The following TUBGCP2 variants were observed in gnomAD, a reference collection of about 807,000 sequenced individuals.
TUBGCP2 encodes gamma-tubulin complex component 2.
A neutral mutation model predicts 92.2 loss-of-function variants in TUBGCP2; 55 were observed. The ratio of observed to expected loss-of-function variants is 0.60; its 90% CI spans 0.48 to 0.75. TUBGCP2 has a LOEUF of 0.75. TUBGCP2 is among the 30% of genes least tolerant of loss of function. The pLI, the probability that TUBGCP2 is intolerant of heterozygous loss-of-function variation, is 0.00. For missense variants in TUBGCP2, 1,093 were observed against 1,188.9 expected, an observed-to-expected ratio of 0.92 and a Z score of 1.19; for synonymous variants, 533 against 505.2, an observed-to-expected ratio of 1.06 and a Z score of -0.74.
chr10:133,301,311 G>A (rs558291579), intron 2 of TUBGCP2, among the ~76,000 whole-genome samples: 4 of 152,214 alleles, frequency 2.6e-5, no homozygotes, highest in East Asian at 3.9e-4. Flanking sequence ...TTTTAGTAGC[G>A]ATGGGGTTTC....
intron 1 of TUBGCP2, among the ~76,000 whole-genome samples, chr10:133,305,227 G>T (rs938940451): frequency 2.6e-4 from 39 of 152,204 alleles, no homozygotes; most frequent in Admixed American, 5.2e-4. Flanking sequence ...CAAAATTAGT[G>T]AAAGTATTAA....
Position 133,293,181 on chromosome 10 carries a change from G to T in TUBGCP2, c.882C>A (p.Ala294=), listed in dbSNP as rs145624268. The change falls in exon 7 of 18, where the codon GCC becomes GCA. Residue 294 remains alanine, a synonymous_variant. Coordinates refer to ENST00000252936, the MANE Select transcript of TUBGCP2 (RefSeq NM_006659.4). ...GCTCCTTCACCAGGGTGCGCATGGC[G>T]GCCGCCAGGGCGTGGTTCACCTGCC... The part of the protein sequence containing the change: ...EYGQVNHALA[A]AMRTLVKEHL... The T allele has an allele frequency of 1.2e-6, 2 of 1,613,872 alleles. No homozygotes were observed. The highest frequency in any genetic ancestry group is 2.7e-5 in the African/African-American group (2 of 75,080).
Position 133,297,941 on chromosome 10 carries a change from G to A in TUBGCP2, c.616+11C>T, listed in dbSNP as rs199904066. 5.0e-6 allele frequency: 8 copies of A among 1,610,444 alleles called. No homozygotes were observed. The highest frequency in any genetic ancestry group is 1.7e-5 in the Admixed American group (1 of 59,564). On this transcript the variant is annotated intron_variant, in intron 5 of 17. Transcript: ENST00000252936. The stretch of plus-strand genomic sequence containing the variant: ...CTATCGGCAGAGCCCGGAAATCAAC[G>A]CATCACGTACCTATCGGCAAAGCGG...
rs1441180287 is a variant in TUBGCP2, at chr10:133,292,651, G to A, written c.1062C>T (p.Ser354=). The part of the protein sequence containing the change: ...SVDKGECLGG[S]TLSLLHDRSF... ...TCCTGTCGTGGAGCAGGCTCAGCGT[G>A]GACCCCCCAAGACATTCGCCTTTGT... Residue 354 remains serine, a synonymous_variant, in exon 8 of 18, where the codon TCC becomes TCT. Transcript: ENST00000252936. 6.2e-7 allele frequency: 1 copy of A among 1,614,036 alleles called. No individual in the cohort carries two copies. Among genetic ancestry groups the A allele is most frequent in the African/African-American group, 1.3e-5 (1 of 75,044 alleles).
Position 133,283,101 on chromosome 10 carries a change from C to CGTTGGT in TUBGCP2, c.2265_2266insACCAAC (p.Cys755_Val756insThrAsn). The stretch of plus-strand genomic sequence containing the variant: ...ACCTGCATGCAGTTGGTGAACATGA[C>CGTTGGT]GCACACAGACATGAGCTTGGAGAAG... On this transcript the variant is annotated inframe_insertion, in exon 15 of 18. Transcript: ENST00000252936. 6.2e-7 allele frequency: 1 copy of CGTTGGT among 1,614,204 alleles called. No homozygotes were observed. The highest frequency in any genetic ancestry group is 8.5e-7 in the Non-Finnish European group (1 of 1,180,042).
At chr10:133,279,984 A>T (rs1846926127) in intron 17 of TUBGCP2, 83 bp from the exon 18 acceptor site, 3 of 1,543,268 alleles carry the variant, frequency 1.9e-6, no homozygotes, top group Non-Finnish European at 2.6e-6. Flanking sequence ...AGGACGGTGC[A>T]GCTAGGGTGC....
upstream of TUBGCP2, chr10:133,311,676 G>A: frequency 6.5e-7 from 1 of 1,543,212 alleles, no homozygotes; most frequent in East Asian, 2.3e-5. Flanking sequence ...GGGGCTGTGG[G>A]AGCCGTGCAG....
At chr10:133,289,130 ACGGT>A in intron 9 of TUBGCP2, 110 bp from the exon 10 acceptor site, 1 of 1,266,688 alleles carries the variant, frequency 7.9e-7, no homozygotes, top group East Asian at 2.4e-5. Flanking sequence ...GGCTCTCCAC[ACGGT>A]CAGTCTGAGG....
At chr10:133,291,173 G>C (rs1045511733) in intron 8 of TUBGCP2, 1 of 406,000 alleles carries the variant, frequency 2.5e-6, no homozygotes, top group African/African-American at 2.3e-5. Flanking sequence ...ACATCTGCCC[G>C]GGGTGTGCTT....
At chr10:133,308,458 T>A (rs555967991) in intron 1 of TUBGCP2, 18 of 152,582 alleles carry the variant, frequency 1.2e-4, no homozygotes, top group African/African-American at 4.1e-4. Context: ...TCGCGACTGG[T>A]TTAGAGGGAA....
intron 1 of TUBGCP2, among the ~76,000 whole-genome samples, chr10:133,306,484 G>C (rs1043373708): frequency 6.6e-6 from 1 of 152,186 alleles, no homozygotes; most frequent in African/African-American, 2.4e-5. Context: ...AAAATCATCT[G>C]AGTATTTATT....
chr10:133,295,027 C>T (rs1266605973), intron 5 of TUBGCP2, among the ~76,000 whole-genome samples: 2 of 152,192 alleles, frequency 1.3e-5, no homozygotes, highest in African/African-American at 4.8e-5. Flanking sequence ...ACCATGTTGG[C>T]CTCATTCATC....
Position 133,285,277 on chromosome 10 carries a change from T to A in TUBGCP2, c.1896-64A>T. The A allele has an allele frequency of 6.2e-7, 1 of 1,604,708 alleles. No individual in the cohort carries two copies. The highest frequency in any genetic ancestry group is 8.5e-7 in the Non-Finnish European group (1 of 1,179,004). On this transcript the variant is annotated intron_variant, in intron 12 of 17. Coordinates refer to ENST00000252936, the MANE Select transcript of TUBGCP2 (RefSeq NM_006659.4). The surrounding 1 kb of genome is among the most constrained non-coding windows in gnomAD (Gnocchi z 6.8). The stretch of plus-strand genomic sequence containing the variant: ...GACCGGCGGCGTCGTGGACACGGCG[T>A]CTGTACTCCACAGTCCGCACCGTGG...
upstream of TUBGCP2, chr10:133,309,426 G>C (rs564371659): frequency 3.1e-6 from 5 of 1,612,590 alleles, no homozygotes; most frequent in African/African-American, 6.7e-5. Context: ...CCTCCAGGAC[G>C]TGATCATGCA....
chr10:133,299,536 C>T lies in TUBGCP2; in HGVS notation c.347G>A (p.Ser116Asn), dbSNP rs1230104405. ...AELAAAAVGS[S>N]TTSINVPAAA... Reference sequence around the variant, plus strand: ...GGCAGGGACGTTGATGCTGGTGGTACTGCTGCCCACAGCAGCGGCTGCAAG... The same window carrying T: ...GGCAGGGACGTTGATGCTGGTGGTATTGCTGCCCACAGCAGCGGCTGCAAG... The change falls in exon 4 of 18, where the codon AGT becomes AAT. Residue 116 changes from serine (S) to asparagine (N), a missense_variant. Around this residue, in one of 3 missense-constraint regions of TUBGCP2, gnomAD observed 490 missense variants for 488.5 expected, o/e 1.00. Coordinates refer to ENST00000252936, the MANE Select transcript of TUBGCP2 (RefSeq NM_006659.4). 2 of 1,613,740 alleles carry T rather than the reference C, an allele frequency of 1.2e-6. No homozygotes were observed. Among genetic ancestry groups the T allele is most frequent in the East Asian group, 4.5e-5 (2 of 44,890 alleles).
chr10:133,280,362 G>A (rs1846936068), intron 17 of TUBGCP2, among the ~76,000 whole-genome samples: 1 of 152,162 alleles, frequency 6.6e-6, no homozygotes. Flanking sequence ...AGAAATCCCT[G>A]CTCAGAAAAT....
At chr10:133,283,743 C>T (rs1847054619) in intron 14 of TUBGCP2, 139 bp downstream of exon 14, 7 of 1,240,544 alleles carry the variant, frequency 5.6e-6, no homozygotes, top group Non-Finnish European at 7.8e-6. Context: ...GCCTCTCCTG[C>T]ACTCCCTGCG....
chr10:133,293,512 C>A (rs547413768), intron 6 of TUBGCP2, 50 bp downstream of exon 6: 1 of 1,536,122 alleles, frequency 6.5e-7, no homozygotes, highest in Non-Finnish European at 8.8e-7. Context: ...TGGGACCTAA[C>A]CCCTCCCCCA....
chr10:133,290,008 A>C, intron 8 of TUBGCP2, 39 bp from the exon 9 acceptor site: 3 of 1,599,558 alleles, frequency 1.9e-6, no homozygotes, highest in Non-Finnish European at 2.6e-6. Context: ...AGGCAAAGCA[A>C]GGGCGCCTGA....
Sources: allele counts gnomAD v4.1 joint callset (sites outside exome capture counted in the v4.1 genomes callset), GRCh38; gene constraint gnomAD v4.1.1; regional missense constraint gnomAD v4.1.1; non-coding constraint Gnocchi (gnomAD v3.1); transcripts MANE v1.5; gene names NCBI Gene and HGNC (gene_info 2026-07-23, HGNC 2026-07-21).